The following CBLN1 variants were observed in gnomAD, a reference collection of about 807,000 sequenced individuals.
CBLN1 encodes cerebellin-1.
CBLN1 carries 5 observed loss-of-function variants against 15.9 expected under a neutral mutation model. The observed-to-expected ratio is 0.31, with a 90% CI of 0.16 to 0.66. The LOEUF (loss-of-function observed/expected upper bound fraction) is 0.66. Among genes scored for constraint, CBLN1 ranks in the 30% least tolerant of loss-of-function variants. CBLN1 has a pLI of 0.75. For missense variants in CBLN1, 164 were observed against 253.7 expected, an observed-to-expected ratio of 0.65 and a Z score of 2.40; for synonymous variants, 90 against 107.6, an observed-to-expected ratio of 0.84 and a Z score of 1.01.
Position 49,279,518 on chromosome 16 carries a change from T to C in CBLN1, c.468A>G (p.Gly156=). The change falls in exon 3 of 3, where the codon GGA becomes GGG. Residue 156 remains glycine, a synonymous_variant. Transcript: ENST00000219197. ...QDVTREAASN[G]VLIQMEKGDR... is the part of the protein sequence containing the mutation. ...CGCCTTTCTCCATTTGGATTAGGACTCCGTTGCTGGCGGCCTCCCGGGTCA... is the reference window on the plus strand; with the variant it reads ...CGCCTTTCTCCATTTGGATTAGGACCCCGTTGCTGGCGGCCTCCCGGGTCA... 6.2e-7 allele frequency: 1 copy of C among 1,614,182 alleles called. No homozygotes were observed. The highest frequency in any genetic ancestry group is 8.5e-7 in the Non-Finnish European group (1 of 1,180,022).
intron 2 of CBLN1, 150 bp downstream of exon 2, chr16:49,280,773 C>G (rs1012228691): frequency 2.5e-6 from 2 of 788,746 alleles, no homozygotes; most frequent in Non-Finnish European, 4.2e-6. Context: ...GTTGAAGCCA[C>G]AGAACTGAGA....
intron 2 of CBLN1, 89 bp from the exon 3 acceptor site, chr16:49,279,690 AG>A (rs975452093): frequency 1.7e-5 from 11 of 665,684 alleles, no homozygotes; most frequent in Non-Finnish European, 2.7e-5. Context: ...CTTGGCTAAC[AG>A]CCTGTAAGGC....
rs1009430172 is a variant in CBLN1 at position 49,280,988 on chromosome 16, G to A, written c.319C>T (p.Pro107Ser). The change falls in exon 2 of 3, where the codon CCG (proline) becomes TCG (serine). Residue 107 changes from proline (P) to serine (S), a missense_variant. Transcript: ENST00000219197. ...FDSERSTFIA[P>S]RKGIYSFNFH... ...TTAAAACTGTAGATCCCTTTGCGCG[G>A]GGCGATGAAAGTGCTGCGTTCTGAA... 5.6e-6 allele frequency: 9 copies of A among 1,614,208 alleles called. No individual in the cohort carries two copies. Among genetic ancestry groups the A allele is most frequent in the Non-Finnish European group, 7.6e-6 (9 of 1,180,030 alleles).
In CBLN1 at chr16:49,279,311, C is replaced by G. The variant is rs935740552; in HGVS notation, c.*93G>C. The G allele has an allele frequency of 6.8e-6, 8 of 1,180,796 alleles. No individual in the cohort carries two copies. In the African/African-American group the frequency reaches 1.2e-4, roughly 18 times the overall value. 73.1% of individuals were successfully genotyped at this position (1,180,796 alleles called of 1,614,324 possible). On this transcript the variant is annotated 3_prime_UTR_variant, in exon 3 of 3. Coordinates refer to ENST00000219197, the MANE Select transcript of CBLN1 (RefSeq NM_004352.4). The stretch of plus-strand genomic sequence containing the variant: ...AGAGAACATGTAGGAAGTTTCAAGT[C>G]GTGCTGCTTTCTCGCCCTCTTAATT...
rs1049739718 is a variant in CBLN1 at position 49,281,523 on chromosome 16, C to A, written c.-58G>T. On this transcript the variant is annotated 5_prime_UTR_variant, in exon 1 of 3. Coordinates refer to ENST00000219197, the MANE Select transcript of CBLN1 (RefSeq NM_004352.4). ...CCAGGGCTGCTCGCGCCAGCCGCCC[C>A]CCCCGTCCCAGTCCCGCTCCGAAGC... The A allele has an allele frequency of 5.7e-6, 7 of 1,226,918 alleles. No individual in the cohort carries two copies. The highest frequency in any genetic ancestry group is 7.3e-6 in the Non-Finnish European group (7 of 956,324). 76.0% of individuals were successfully genotyped at this position (1,226,918 alleles called of 1,614,324 possible).
At chr16:49,280,179 C>T (rs1033833312) in intron 2 of CBLN1, among the ~76,000 whole-genome samples, 2 of 152,180 alleles carry the variant, frequency 1.3e-5, no homozygotes, top group East Asian at 3.9e-4. Context: ...TCAATTCCCT[C>T]CCCCATCCAG....
In CBLN1 at chr16:49,281,205, G is replaced by A. The variant is rs1344818435; in HGVS notation, c.261C>T (p.Asp87=). Residue 87 remains aspartate (D), a synonymous_variant, in exon 1 of 3, where the codon GAC becomes GAT. Coordinates refer to ENST00000219197, the MANE Select transcript of CBLN1 (RefSeq NM_004352.4). ...CGCGGGAGGAAGGAACACTCACCTG[G>A]TCGAAGTAGATGATCATGGTGCGAT... ...MSNRTMIIYF[D]QVLVNIGNNF... is the part of the protein sequence containing the mutation. 6.2e-7 allele frequency: 1 copy of A among 1,614,190 alleles called. No individual in the cohort carries two copies. Among genetic ancestry groups the A allele is most frequent in the Non-Finnish European group, 8.5e-7 (1 of 1,180,048 alleles).
Position 49,278,930 on chromosome 16 carries a change from A to AAAC in CBLN1, c.*471_*473dup, listed in dbSNP as rs921863050. ...AAAACTACCTTCCCCATCCAAAACAAAACAACAACAACAACAAAACTTTAC... is the reference window on the plus strand; with the variant it reads ...AAAACTACCTTCCCCATCCAAAACAAAACAACAACAACAACAACAAAACTTTAC... On this transcript the variant is annotated 3_prime_UTR_variant, in exon 3 of 3. Coordinates refer to ENST00000219197, the MANE Select transcript of CBLN1 (RefSeq NM_004352.4). The AAAC allele has an allele frequency of 2.6e-4, 40 of 156,474 alleles. No homozygotes were observed. In the East Asian group the frequency reaches 3.2e-3, roughly 13 times the overall value. 9.7% of individuals were successfully genotyped at this position (156,474 alleles called of 1,614,324 possible). A position where few individuals can be genotyped will look rare whatever the true frequency, so the allele number is the denominator to read the frequency against.
rs3743777 is a variant in CBLN1 at position 49,278,105 on chromosome 16, G to A, written c.*1299C>T. The A allele has an allele frequency of 0.13, 20,365 of 152,250 alleles. 1,891 individuals carry two copies. The highest frequency in any genetic ancestry group is 0.4 in the South Asian group (1,939 of 4,808). 9.4% of individuals were successfully genotyped at this position (152,250 alleles called of 1,614,324 possible). A position where few individuals can be genotyped will look rare whatever the true frequency, so the allele number is the denominator to read the frequency against. On this transcript the variant is annotated 3_prime_UTR_variant, in exon 3 of 3. Transcript: ENST00000219197. ...CGGTGTATAAAACATACGCTGCTTC[G>A]GGAACTGCGAGGGGGACGCGGTGGG...
Position 49,278,094 on chromosome 16 carries a change from T to TA in CBLN1, c.*1309dup, listed in dbSNP as rs780024166. On this transcript the variant is annotated 3_prime_UTR_variant, in exon 3 of 3. Coordinates refer to ENST00000219197, the MANE Select transcript of CBLN1 (RefSeq NM_004352.4). ...GGATTCAGAGGCGGTGTATAAAACA[T>TA]ACGCTGCTTCGGGAACTGCGAGGGG... 2 of 152,192 alleles carry TA rather than the reference T, an allele frequency of 1.3e-5. No individual in the cohort carries two copies. Among genetic ancestry groups the TA allele is most frequent in the Non-Finnish European group, 2.9e-5 (2 of 68,064 alleles). 9.4% of individuals were successfully genotyped at this position (152,192 alleles called of 1,614,324 possible).
At chr16:49,281,107 T>C in intron 1 of CBLN1, 65 bp from the exon 2 acceptor site, 3 of 1,614,054 alleles carry the variant, frequency 1.9e-6, no homozygotes, top group Non-Finnish European at 2.5e-6. Flanking sequence ...TCCCCGCGCC[T>C]CCGCAGAGCC....
At position 49,281,308 on chromosome 16, in the gene CBLN1, ATGCCCAGGGCAG is replaced by A; in HGVS notation, c.146_157del (p.Thr49_Gly52del). The A allele has an allele frequency of 6.2e-7, 1 of 1,613,660 alleles. No homozygotes were observed. Among genetic ancestry groups the A allele is most frequent in the East Asian group, 2.2e-5 (1 of 44,848 alleles). Reference sequence around the variant, plus strand: ...CTTGGCGCTGCCAGAGCGCACAGAGATGCCCAGGGCAGTGCCCGTGGGGTCGGACGTGGGGTT... The same window carrying A: ...CTTGGCGCTGCCAGAGCGCACAGAGATGCCCGTGGGGTCGGACGTGGGGTT... On this transcript the variant is annotated inframe_deletion, in exon 1 of 3. Transcript: ENST00000219197.
intron 2 of CBLN1, 140 bp from the exon 3 acceptor site, chr16:49,279,741 G>A: frequency 1.5e-6 from 1 of 672,832 alleles, no homozygotes; most frequent in East Asian, 2.8e-5. Context: ...GGGGCGAATG[G>A]AGGAAAAGGG....
chr16:49,280,901 C>G, intron 2 of CBLN1, 22 bp downstream of exon 2: 1 of 1,614,132 alleles, frequency 6.2e-7, no homozygotes. Flanking sequence ...GGGCCAGGGC[C>G]CGGCACGAGG....
intron 2 of CBLN1, among the ~76,000 whole-genome samples, chr16:49,280,479 G>A (rs957315887): frequency 6.6e-6 from 1 of 152,222 alleles, no homozygotes; most frequent in African/African-American, 2.4e-5. Context: ...ACAAGTGGGA[G>A]AAAACGGGGG....
intron 1 of CBLN1, 78 bp from the exon 2 acceptor site, chr16:49,281,120 T>C (rs754441202): frequency 3.0e-5 from 49 of 1,613,942 alleles, no homozygotes; most frequent in Admixed American, 5.0e-5. Flanking sequence ...GCAGAGCCCT[T>C]GGAGAGGACC....
Position 49,279,259 on chromosome 16 carries a change from C to T in CBLN1, c.*145G>A, listed in dbSNP as rs548288474. On this transcript the variant is annotated 3_prime_UTR_variant, in exon 3 of 3. Transcript: ENST00000219197. ...ATGGACAAAGTTGTCCCACAGCTGG[C>T]GCGCACCTTTTTACCCAGATACAGT... 26 of 711,476 alleles carry T rather than the reference C, an allele frequency of 3.7e-5. 1 individual carries two copies. In the Admixed American group the frequency reaches 3.9e-4, roughly 11 times the overall value. The allele number at this position is 711,476 out of a possible 1,614,324, so 44.1% of individuals were successfully genotyped here.
chr16:49,280,938 G>A lies in CBLN1; in HGVS notation c.369C>T (p.Asn123=). The A allele has an allele frequency of 6.2e-7, 1 of 1,614,266 alleles. No homozygotes were observed. Among genetic ancestry groups the A allele is most frequent in the African/African-American group, 1.3e-5 (1 of 75,074 alleles). Residue 123 remains asparagine, a synonymous_variant, in exon 2 of 3, where the codon AAC becomes AAT. Coordinates refer to ENST00000219197, the MANE Select transcript of CBLN1 (RefSeq NM_004352.4). ...GTCGGCTGACCTGTATGGTTTGTCT[G>A]TTGTAGACTTTTACCACGTGGAAGT... The part of the protein sequence containing the change: ...SFNFHVVKVY[N]RQTIQVSLML...
Position 49,280,597 on chromosome 16 carries a change from G to C in CBLN1, c.384+326C>G, listed in dbSNP as rs761031679. On this transcript the variant is annotated intron_variant, in intron 2 of 2. Transcript: ENST00000219197. ...GGTGCTTCCTGGGGAGTCCGGGAAGGCTTCCCAAGCGGCAGCTGTCTGGGG... is the reference window on the plus strand; with the variant it reads ...GGTGCTTCCTGGGGAGTCCGGGAAGCCTTCCCAAGCGGCAGCTGTCTGGGG... Among the ~76,000 whole-genome samples the C allele has an allele frequency of 3.2e-4, 49 of 152,158 alleles. 1 individual carries two copies. Among genetic ancestry groups the C allele is most frequent in the Admixed American group, 1.0e-3 (16 of 15,282 alleles).
Sources: allele counts gnomAD v4.1 joint callset (sites outside exome capture counted in the v4.1 genomes callset), GRCh38; gene constraint gnomAD v4.1.1; transcripts MANE v1.5; gene names NCBI Gene and HGNC (gene_info 2026-07-23, HGNC 2026-07-21).